DNAAF5: variants seen among roughly 807,000 people sequenced by gnomAD.
The protein encoded by DNAAF5 is HEAT repeat containing 2.
Under a neutral mutation model 75.8 loss-of-function variants are expected in DNAAF5, and 64 were observed. The observed-to-expected ratio is 0.84, with a 90% CI of 0.69 to 1.04. The LOEUF is 1.04. Among genes scored for constraint, DNAAF5 ranks in the 50% least tolerant of loss-of-function variants. DNAAF5 has a pLI of 0.00. For synonymous variants in DNAAF5, 657 were observed against 557.2 expected (o/e 1.18, Z -2.52); for missense variants, 1,269 against 1,178.5 (o/e 1.08, Z -1.12).
chr7:759,895 G>A (rs1248615527), intron 6 of DNAAF5, among the ~76,000 whole-genome samples: 1 of 152,212 alleles, frequency 6.6e-6, no homozygotes, highest in Non-Finnish European at 1.5e-5. Context: ...TACATGACAG[G>A]TCATTCTAGA....
chr7:761,928 C>A, intron 7 of DNAAF5, 32 bp downstream of exon 7: 1 of 1,549,428 alleles, frequency 6.5e-7, no homozygotes. Flanking sequence ...GCTGCTTGAC[C>A]TAGCGGAGCT....
intron 8 of DNAAF5, among the ~76,000 whole-genome samples, chr7:768,160 C>T (rs1250968469): frequency 1.2e-5 from 1 of 86,376 alleles, no homozygotes; most frequent in Non-Finnish European, 2.2e-5. Context: ...CGGCTGGGAG[C>T]GCAGACACGT....
In DNAAF5 at chr7:726,746, C is replaced by A; in HGVS notation, c.26C>A (p.Ala9Asp). MAALGVAE[A>D]VAAPHPAEGA... ...ATGGCGGCGCTGGGGGTGGCGGAGGCCGTGGCGGCCCCACACCCGGCTGAG... is the reference window on the plus strand; with the variant it reads ...ATGGCGGCGCTGGGGGTGGCGGAGGACGTGGCGGCCCCACACCCGGCTGAG... Residue 9 changes from alanine (A) to aspartate (D), a missense_variant, in exon 1 of 13, where the codon GCC becomes GAC. Transcript: ENST00000297440. 8.0e-7 allele frequency: 1 copy of A among 1,245,810 alleles called. No homozygotes were observed. Among genetic ancestry groups the A allele is most frequent in the African/African-American group, 1.5e-5 (1 of 64,522 alleles). 77.2% of individuals were successfully genotyped at this position (1,245,810 alleles called of 1,614,324 possible).
Position 781,175 on chromosome 7 carries a change from G to A in DNAAF5, c.2431+1031G>A, listed in dbSNP as rs114000166. Among the ~76,000 whole-genome samples, 1,153 of 152,060 alleles carry A rather than the reference G, an allele frequency of 7.6e-3. 19 individuals carry two copies. Among genetic ancestry groups the A allele is most frequent in the African/African-American group, 0.027 (1,104 of 41,480 alleles). On this transcript the variant is annotated intron_variant, in intron 12 of 12. Transcript: ENST00000297440. ...ATTAACCATCCCCACCTCTTCCCCC[G>A]GCCCCATTCCTCTTCCGAGCCTCTG...
intron 9 of DNAAF5, 98 bp from the exon 10 acceptor site, chr7:773,950 G>T (rs1583517083): frequency 1.4e-6 from 2 of 1,424,616 alleles, no homozygotes; most frequent in African/African-American, 2.8e-5. Context: ...TCGTTTTCCT[G>T]TTTGGCTCCC....
intron 11 of DNAAF5, among the ~76,000 whole-genome samples, chr7:779,329 G>A (rs753869436): frequency 2.6e-5 from 4 of 152,242 alleles, no homozygotes; most frequent in Non-Finnish European, 5.9e-5. Context: ...ATGGGCCTCC[G>A]GGTGGTTTTG....
rs757074121 is a variant in DNAAF5 at position 785,675 on chromosome 7, C to T, written c.*22C>T. 2 of 1,610,870 alleles carry T rather than the reference C, an allele frequency of 1.2e-6. No individual in the cohort carries two copies. Among genetic ancestry groups the T allele is most frequent in the Admixed American group, 3.3e-5 (2 of 59,966 alleles). ...GTGACCACGCTGGTTTCAGCCACGG[C>T]ACACCCTTGTCCCCACCTGAGCCAG... On this transcript the variant is annotated 3_prime_UTR_variant, in exon 13 of 13. Transcript: ENST00000297440.
At chr7:727,984 C>T (rs1239000120) in intron 1 of DNAAF5, among the ~76,000 whole-genome samples, 1 of 151,824 alleles carries the variant, frequency 6.6e-6, no homozygotes, top group Non-Finnish European at 1.5e-5. Flanking sequence ...TGAGGGCACG[C>T]GCTTTGAGAC....
chr7:726,712 G>A lies in DNAAF5; in HGVS notation c.-9G>A. 8.1e-7 allele frequency: 1 copy of A among 1,238,692 alleles called. No individual in the cohort carries two copies. The allele number at this position is 1,238,692 out of a possible 1,614,324, so 76.7% of individuals were successfully genotyped here. A position where few individuals can be genotyped will look rare whatever the true frequency, so the allele number is the denominator to read the frequency against. On this transcript the variant is annotated 5_prime_UTR_variant, in exon 1 of 13. Transcript: ENST00000297440. ...GCTGTTCCCCTTAGTGACCGGCGAC[G>A]CGGGCAAGATGGCGGCGCTGGGGGT... is the stretch of plus-strand genomic sequence containing the variant.
At chr7:728,839 G>C (rs528841816) in intron 1 of DNAAF5, among the ~76,000 whole-genome samples, 8 of 152,202 alleles carry the variant, frequency 5.3e-5, no homozygotes, top group Non-Finnish European at 8.8e-5. Flanking sequence ...CCTGGGTGGG[G>C]GGCCTCACCT....
intron 4 of DNAAF5, among the ~76,000 whole-genome samples, chr7:743,958 CTTTAAG>C (rs1266213517): frequency 6.8e-6 from 1 of 146,910 alleles, no homozygotes; most frequent in East Asian, 2.0e-4. Context: ...TATTATTATA[CTTTAAG>C]TTTTAGGGTA....
chr7:729,679 G>A lies in DNAAF5; in HGVS notation c.612G>A (p.Gln204=). 1 of 1,613,998 alleles carries A rather than the reference G, an allele frequency of 6.2e-7. No individual in the cohort carries two copies. Reference sequence around the variant, plus strand: ...GTCCCTCAGACCACTTCCACATGCAGTCGGAGTCTCTGATCGGGCCCCTGA... The same window carrying A: ...GTCCCTCAGACCACTTCCACATGCAATCGGAGTCTCTGATCGGGCCCCTGA... ...AQATPDHFHM[Q]SESLIGPLMQ... Residue 204 remains glutamine, a synonymous_variant, in exon 2 of 13, where the codon CAG becomes CAA. Transcript: ENST00000297440.
At chr7:775,859 G>A (rs1778744662) in intron 11 of DNAAF5, among the ~76,000 whole-genome samples, 1 of 151,554 alleles carries the variant, frequency 6.6e-6, no homozygotes, top group South Asian at 2.1e-4. Flanking sequence ...ACGTAATCTA[G>A]AGACAGTTTA....
At chr7:744,823 G>A (rs1035911934) in intron 4 of DNAAF5, among the ~76,000 whole-genome samples, 4 of 152,148 alleles carry the variant, frequency 2.6e-5, no homozygotes, top group Admixed American at 1.3e-4. Flanking sequence ...GGGTGGTCTC[G>A]AACTCCAGAC....
intron 8 of DNAAF5, chr7:768,980 G>T: frequency 1.7e-6 from 1 of 591,198 alleles, no homozygotes; most frequent in East Asian, 2.8e-5. Flanking sequence ...AGGCGTCCCA[G>T]CAGCTTCGGT....
At chr7:738,536 C>T (rs1781804880) in intron 2 of DNAAF5, among the ~76,000 whole-genome samples, 1 of 151,860 alleles carries the variant, frequency 6.6e-6, no homozygotes. Context: ...CTTGTTTGTA[C>T]CCATCTGTCT....
Position 739,617 on chromosome 7 carries a change from C to T in DNAAF5, c.781-1202C>T, listed in dbSNP as rs567312548. On this transcript the variant is annotated intron_variant, in intron 2 of 12. Transcript: ENST00000297440. ...CACGCCGAGAGTCGCCTGTGCGCAC[C>T]GCACGGGCAGCGGGAGTCAGGCGCA... Among the ~76,000 whole-genome samples the T allele has an allele frequency of 7.9e-5, 12 of 152,348 alleles. No homozygotes were observed. The East Asian group carries it at 1.2e-3, about 15-fold the overall frequency.
chr7:774,951 C>G, intron 10 of DNAAF5, 55 bp from the exon 11 acceptor site: 1 of 1,557,986 alleles, frequency 6.4e-7, no homozygotes, highest in Non-Finnish European at 8.8e-7. Flanking sequence ...GGTGAGCACC[C>G]CCACCCCACC....
At position 785,793 on chromosome 7, in the gene DNAAF5, C is replaced by T. The variant is rs1332095034; in HGVS notation, c.*140C>T. On this transcript the variant is annotated 3_prime_UTR_variant, in exon 13 of 13. Coordinates refer to ENST00000297440, the MANE Select transcript of DNAAF5 (RefSeq NM_017802.4). ...ATGTACTCCTCAGGACACCTGCCCA[C>T]TCTTTCCCTGGAATAACAGCCTCTG... 2.3e-6 allele frequency: 2 copies of T among 858,198 alleles called. No individual in the cohort carries two copies. Among genetic ancestry groups the T allele is most frequent in the East Asian group, 2.7e-5 (1 of 36,454 alleles). 53.2% of individuals were successfully genotyped at this position (858,198 alleles called of 1,614,324 possible). A position where few individuals can be genotyped will look rare whatever the true frequency, so the allele number is the denominator to read the frequency against.
Sources: gnomAD v4.1 joint callset for allele counts (sites outside exome capture counted in the v4.1 genomes callset) on GRCh38, gnomAD v4.1.1 for gene constraint, MANE v1.5 for transcripts, NCBI Gene and HGNC (gene_info 2026-07-23, HGNC 2026-07-21) for gene names.